NCKAP5: variants seen among roughly 807,000 people sequenced by gnomAD.
The protein encoded by NCKAP5 is NCK associated protein 5, also known as nck-associated protein 5.
A neutral mutation model predicts 167.0 loss-of-function variants in NCKAP5; 92 were observed. The observed-to-expected ratio is 0.55, with a 90% CI of 0.47 to 0.66. The LOEUF is 0.66. Ranked by LOEUF, NCKAP5 falls within the 30% of genes least tolerant of loss-of-function variation. The probability of loss-of-function intolerance (pLI) is 0.00; values close to 1 mark genes in which losing one functional copy is unlikely to be tolerated. For missense variants in NCKAP5, 2,378 were observed against 2,315.0 expected, an observed-to-expected ratio of 1.03 and a Z score of -0.56; for synonymous variants, 891 against 877.4, an observed-to-expected ratio of 1.02 and a Z score of -0.27.
At chr2:132,742,341 G>A (rs1679270118) in intron 16 of NCKAP5, among the ~76,000 whole-genome samples, 1 of 151,898 alleles carries the variant, frequency 6.6e-6, no homozygotes, top group Non-Finnish European at 1.5e-5. Context: ...ATAACTTGGG[G>A]TACAATGCCG....
At chr2:132,945,436 T>C (rs897934365) in intron 8 of NCKAP5, among the ~76,000 whole-genome samples, 1 of 152,032 alleles carries the variant, frequency 6.6e-6, no homozygotes, top group Non-Finnish European at 1.5e-5. Context: ...GGAGGATCTC[T>C]GTGCCCTTGG....
intron 6 of NCKAP5, among the ~76,000 whole-genome samples, chr2:133,101,623 C>G (rs1231958969): frequency 6.6e-6 from 1 of 151,984 alleles, no homozygotes; most frequent in African/African-American, 2.4e-5. Context: ...CTTCACATCC[C>G]TTGTAAGTTG....
intron 5 of NCKAP5, among the ~76,000 whole-genome samples, chr2:133,197,936 G>T (rs1434822977): frequency 6.6e-6 from 1 of 151,968 alleles, no homozygotes; most frequent in East Asian, 1.9e-4. Context: ...GTGACAGAGC[G>T]AGACTCCATC....
chr2:133,471,669 CAT>C (rs1559509734), intron 3 of NCKAP5, among the ~76,000 whole-genome samples: 1 of 152,178 alleles, frequency 6.6e-6, no homozygotes, highest in African/African-American at 2.4e-5. Context: ...ACACAGTTAA[CAT>C]GGCTTCCTCC....
chr2:132,714,880 T>C (rs1363915576), intron 19 of NCKAP5: 1 of 456,168 alleles, frequency 2.2e-6, no homozygotes. Context: ...AAGCTCCCAG[T>C]TATGGGCATT....
At chr2:132,962,244 A>G (rs1226503194) in intron 8 of NCKAP5, among the ~76,000 whole-genome samples, 1 of 152,218 alleles carries the variant, frequency 6.6e-6, no homozygotes, top group Non-Finnish European at 1.5e-5. Context: ...TGGATGAATG[A>G]AAGAGACTAT....
At chr2:133,066,019 G>A (rs958123518) in intron 6 of NCKAP5, among the ~76,000 whole-genome samples, 1 of 152,220 alleles carries the variant, frequency 6.6e-6, no homozygotes, top group Non-Finnish European at 1.5e-5. Context: ...AGGAAGGAGT[G>A]TGTGAGTGTA....
chr2:133,069,308 T>C (rs2080307456), intron 6 of NCKAP5, among the ~76,000 whole-genome samples: 1 of 152,248 alleles, frequency 6.6e-6, no homozygotes, highest in African/African-American at 2.4e-5. Context: ...ATTATCTTTC[T>C]AAGCCCCTTT....
At chr2:133,090,161 G>C (rs2149630716) in intron 6 of NCKAP5, among the ~76,000 whole-genome samples, 1 of 150,026 alleles carries the variant, frequency 6.7e-6, no homozygotes, top group East Asian at 2.0e-4. Context: ...GAGCCCAGCA[G>C]CTCAAAGCCA....
chr2:133,112,888 T>C (rs1336154426), intron 6 of NCKAP5, among the ~76,000 whole-genome samples: 1 of 152,252 alleles, frequency 6.6e-6, no homozygotes, highest in African/African-American at 2.4e-5. Flanking sequence ...CTATTAGAGA[T>C]GACCCAGGGC....
chr2:132,900,130 A>G (rs1291026145), intron 8 of NCKAP5, among the ~76,000 whole-genome samples: 2 of 152,196 alleles, frequency 1.3e-5, no homozygotes, highest in Non-Finnish European at 2.9e-5. Flanking sequence ...ATGGTGCCCC[A>G]AAACAATTAA....
chr2:133,424,532 G>A lies in NCKAP5; in HGVS notation c.69+92926C>T, dbSNP rs562072283. On this transcript the variant is annotated intron_variant, in intron 3 of 19. Transcript: ENST00000409261. ...GGCTTAATAGATGAGTTTTCAAGGT[G>A]AGTAAAAATTGTGATGTGAAAAATA... Among the ~76,000 whole-genome samples the A allele has an allele frequency of 2.0e-5, 3 of 152,316 alleles. No individual in the cohort carries two copies. The South Asian group carries it at 6.2e-4, about 32-fold the overall frequency.
chr2:133,336,238 G>T (rs372729306), intron 3 of NCKAP5, among the ~76,000 whole-genome samples: 8 of 152,050 alleles, frequency 5.3e-5, no homozygotes, highest in Non-Finnish European at 1.5e-5. Context: ...GTTCCTTATG[G>T]TTATCTGGCT....
chr2:132,911,451 A>G, intron 8 of NCKAP5, among the ~76,000 whole-genome samples: 1 of 152,178 alleles, frequency 6.6e-6, no homozygotes, highest in Non-Finnish European at 1.5e-5. Flanking sequence ...ATTTTATGAT[A>G]CTATTCTTTT....
chr2:132,784,473 T>C lies in NCKAP5; in HGVS notation c.2338A>G (p.Ile780Val), dbSNP rs1683367300. 2 of 1,592,124 alleles carry C rather than the reference T, an allele frequency of 1.3e-6. No homozygotes were observed. The highest frequency in any genetic ancestry group is 1.7e-6 in the Non-Finnish European group (2 of 1,170,450). ...QQKLVKPTHN[I>V]SCQSNSRSSA... ...GACCTGGAATTACTCTGGCATGATA[T>C]ATTGTGTGTTGGTTTGACCAGCTTT... is the stretch of plus-strand genomic sequence containing the variant. The change falls in exon 14 of 20, where the codon ATA becomes GTA. Residue 780 changes from isoleucine (I) to valine (V), a missense_variant. Physicochemically the swap from Ile to Val is conservative, Grantham distance 29. Around this residue, in one of 3 missense-constraint regions of NCKAP5, gnomAD observed 1,049 missense variants for 1,023.4 expected, o/e 1.02. Coordinates refer to ENST00000409261, the MANE Select transcript of NCKAP5 (RefSeq NM_207363.3).
At chr2:133,590,114 A>G in the NCKAP5 span, among the ~76,000 whole-genome samples, 1 of 152,134 alleles carries the variant, frequency 6.6e-6, no homozygotes. Flanking sequence ...CCTTCTCCCA[A>G]GGAGTGTCCA....
intron 3 of NCKAP5, among the ~76,000 whole-genome samples, chr2:133,514,210 C>G (rs909047839): frequency 2.0e-5 from 3 of 152,108 alleles, no homozygotes; most frequent in African/African-American, 4.8e-5. Flanking sequence ...CCTTTAACCC[C>G]CACAATGAAA....
At chr2:132,684,744 T>C (rs574465450) in intron 19 of NCKAP5, among the ~76,000 whole-genome samples, 3 of 152,284 alleles carry the variant, frequency 2.0e-5, no homozygotes, top group East Asian at 3.9e-4. Context: ...TTGTGTGACA[T>C]GGCAAGAAGT....
chr2:133,207,874 AC>A (rs1410007157), intron 5 of NCKAP5, among the ~76,000 whole-genome samples: 1 of 152,214 alleles, frequency 6.6e-6, no homozygotes, highest in Admixed American at 6.5e-5. Context: ...TAGATATTCC[AC>A]CCTCAATGAA....
Sources: allele counts gnomAD v4.1 joint callset (sites outside exome capture counted in the v4.1 genomes callset), GRCh38; gene constraint gnomAD v4.1.1; regional missense constraint gnomAD v4.1.1; transcripts MANE v1.5; gene names NCBI Gene and HGNC (gene_info 2026-07-23, HGNC 2026-07-21).